The following PRKN variants were observed in gnomAD, a reference collection of about 807,000 sequenced individuals.
PRKN encodes parkin RBR E3 ubiquitin protein ligase.
A neutral mutation model predicts 59.5 loss-of-function variants in PRKN; 56 were observed. That is an observed-to-expected ratio of 0.94 (90% CI 0.76 to 1.18). PRKN has a LOEUF of 1.18. Among genes scored for constraint, PRKN ranks in the 50% most tolerant of loss-of-function variants. The pLI is 0.00. For missense variants in PRKN, 657 were observed against 596.4 expected (o/e 1.10, Z -1.06); for synonymous variants, 250 against 222.1 (o/e 1.13, Z -1.12).
At chr6:161,689,185 T>TACACACACACAC (rs34193135) in intron 7 of PRKN, among the ~76,000 whole-genome samples, 18 of 144,188 alleles carry the variant, frequency 1.2e-4, no homozygotes, top group Admixed American at 8.4e-4. Flanking sequence ...AATTAAATTG[T>TACACACACACAC]ACACACACAC....
chr6:162,454,948 T>A (rs776629541), intron 1 of PRKN, among the ~76,000 whole-genome samples: 13 of 152,178 alleles, frequency 8.5e-5, no homozygotes, highest in Non-Finnish European at 1.9e-4. Context: ...TTAGGAACGA[T>A]GATGTATTTT....
chr6:161,919,501 T>C (rs954363857), intron 6 of PRKN, among the ~76,000 whole-genome samples: 1 of 152,230 alleles, frequency 6.6e-6, no homozygotes, highest in Admixed American at 6.5e-5. Flanking sequence ...GCATGATGTG[T>C]AAATTATACC....
In PRKN at chr6:161,393,919, A is replaced by G. The variant is rs1429454924; in HGVS notation, c.1084-7042T>C. Among the ~76,000 whole-genome samples, 1 of 152,188 alleles carries G rather than the reference A, an allele frequency of 6.6e-6. No homozygotes were observed. The highest frequency in any genetic ancestry group is 1.5e-5 in the Non-Finnish European group (1 of 68,048). On this transcript the variant is annotated intron_variant, in intron 9 of 11. Coordinates refer to ENST00000366898, the MANE Select transcript of PRKN (RefSeq NM_004562.3). The surrounding 1 kb of genome is among the most constrained non-coding windows in gnomAD (Gnocchi z 4.7). The stretch of plus-strand genomic sequence containing the variant: ...ACCCCTTACTAGAGTCAAGGCAAAC[A>G]TCAAAGGCATGAAGCACACATTTGT...
chr6:161,895,528 TGAGG>T (rs1777585040), intron 6 of PRKN, among the ~76,000 whole-genome samples: 5 of 101,512 alleles, frequency 4.9e-5, no homozygotes, highest in East Asian at 3.8e-4. Context: ...TGCCCCCCAG[TGAGG>T]CTTCTGAGAT....
At chr6:162,607,190 T>C (rs1781956206) in intron 1 of PRKN, among the ~76,000 whole-genome samples, 1 of 152,150 alleles carries the variant, frequency 6.6e-6, no homozygotes, top group African/African-American at 2.4e-5. Flanking sequence ...GATTGATTCA[T>C]GAATCATTTG....
chr6:162,629,635 A>G (rs963922303), intron 1 of PRKN, among the ~76,000 whole-genome samples: 3 of 152,186 alleles, frequency 2.0e-5, no homozygotes, highest in Non-Finnish European at 4.4e-5. Context: ...ATTCTTCATT[A>G]AAGTCTGGTA....
chr6:162,672,726 G>T (rs1779380807), intron 1 of PRKN, among the ~76,000 whole-genome samples: 1 of 151,164 alleles, frequency 6.6e-6, no homozygotes, highest in African/African-American at 2.4e-5. Flanking sequence ...GTGTATGCAT[G>T]TGTATAGATA....
chr6:162,676,710 G>T (rs1181523820), intron 1 of PRKN, among the ~76,000 whole-genome samples: 2 of 152,144 alleles, frequency 1.3e-5, no homozygotes, highest in Non-Finnish European at 2.9e-5. Flanking sequence ...GTGAGGCTGA[G>T]ATATGTTTTT....
At chr6:162,606,973 A>G (rs1781945624) in intron 1 of PRKN, among the ~76,000 whole-genome samples, 1 of 152,184 alleles carries the variant, frequency 6.6e-6, no homozygotes, top group African/African-American at 2.4e-5. Flanking sequence ...CTGGCCTACC[A>G]AAGTGCTGAG....
In PRKN at chr6:162,164,235, T is replaced by C. The variant is rs1175929312; in HGVS notation, c.534+36896A>G. On this transcript the variant is annotated intron_variant, in intron 4 of 11. Transcript: ENST00000366898. ...GTCAACCTGTGTATTTGTTTATTTG[T>C]TTGCTTTTGTTTGGAGACGGTCTTG... Among the ~76,000 whole-genome samples, 2 of 149,112 alleles carry C rather than the reference T, an allele frequency of 1.3e-5. 1 individual carries two copies. The highest frequency in any genetic ancestry group is 5.0e-5 in the African/African-American group (2 of 39,644).
At chr6:162,585,902 A>C (rs1372960467) in intron 1 of PRKN, among the ~76,000 whole-genome samples, 1 of 152,054 alleles carries the variant, frequency 6.6e-6, no homozygotes, top group Non-Finnish European at 1.5e-5. Context: ...ACAGGGTTTC[A>C]CCATGTTAGC....
chr6:162,722,788 T>C (rs560670330), intron 1 of PRKN, among the ~76,000 whole-genome samples: 3 of 151,894 alleles, frequency 2.0e-5, no homozygotes, highest in Non-Finnish European at 4.4e-5. Flanking sequence ...AACTATGAGG[T>C]TTCAAAAAAT....
chr6:161,895,630 C>G (rs1777594793), intron 6 of PRKN, among the ~76,000 whole-genome samples: 1 of 117,836 alleles, frequency 8.5e-6, no homozygotes. Context: ...TGCTGTTATG[C>G]TCCCCAGTGA....
Position 161,530,245 on chromosome 6 carries a change from T to C in PRKN, c.1083+18609A>G, listed in dbSNP as rs1779154082. The stretch of plus-strand genomic sequence containing the variant: ...TGGAGGTCATAGTCCAAAGGAAGGG[T>C]TGTAAATTTAGACATTTTTTGAAGA... On this transcript the variant is annotated intron_variant, in intron 9 of 11. Transcript: ENST00000366898. This position sits in a 1 kb window ranked among gnomAD's most constrained non-coding sequence, Gnocchi z 5.0. Among the ~76,000 whole-genome samples, 1 of 152,120 alleles carries C rather than the reference T, an allele frequency of 6.6e-6. No homozygotes were observed. Among genetic ancestry groups the C allele is most frequent in the South Asian group, 2.1e-4 (1 of 4,832 alleles).
At position 162,390,396 on chromosome 6, in the gene PRKN, T is replaced by TACAC. The variant is rs1554312764; in HGVS notation, c.171+52910_171+52913dup. On this transcript the variant is annotated intron_variant, in intron 2 of 11. Transcript: ENST00000366898. ...TAAGGTATATATATATATATATATATACACACACACACACACACACACACA... is the reference window on the plus strand; with the variant it reads ...TAAGGTATATATATATATATATATATACACACACACACACACACACACACACACA... Among the ~76,000 whole-genome samples, 534 of 83,860 alleles carry TACAC rather than the reference T, an allele frequency of 6.4e-3. 7 individuals carry two copies. The highest frequency in any genetic ancestry group is 0.016 in the African/African-American group (350 of 22,082). 55.0% of individuals were successfully genotyped at this position (83,860 alleles called of 152,430 possible). A position where few individuals can be genotyped will look rare whatever the true frequency, so the allele number is the denominator to read the frequency against.
chr6:161,816,208 C>A (rs888285771), intron 6 of PRKN, among the ~76,000 whole-genome samples: 2 of 151,950 alleles, frequency 1.3e-5, no homozygotes, highest in Non-Finnish European at 2.9e-5. Context: ...CAGCAGCATG[C>A]GTGAGTCTTA....
intron 6 of PRKN, among the ~76,000 whole-genome samples, chr6:161,954,065 C>CTT (rs1372559581): frequency 6.6e-6 from 1 of 152,138 alleles, no homozygotes; most frequent in Admixed American, 6.5e-5. Flanking sequence ...GGAGGCCCTG[C>CTT]ATGTAAACAC....
At chr6:161,777,440 T>C (rs932130528) in intron 7 of PRKN, among the ~76,000 whole-genome samples, 1 of 151,846 alleles carries the variant, frequency 6.6e-6, no homozygotes, top group Non-Finnish European at 1.5e-5. Context: ...CCTTGAAGAA[T>C]GTATAAGGTG....
intron 6 of PRKN, among the ~76,000 whole-genome samples, chr6:161,932,923 T>C (rs1334000333): frequency 6.6e-6 from 1 of 152,210 alleles, no homozygotes; most frequent in South Asian, 2.1e-4. Flanking sequence ...CTCAGGAATC[T>C]AAAGATGTTT....
Sources: allele counts gnomAD v4.1 joint callset (sites outside exome capture counted in the v4.1 genomes callset), GRCh38; gene constraint gnomAD v4.1.1; non-coding constraint Gnocchi (gnomAD v3.1); transcripts MANE v1.5; gene names NCBI Gene and HGNC (gene_info 2026-07-23, HGNC 2026-07-21).